The following PITPNC1 variants were observed in gnomAD, a reference collection of about 807,000 sequenced individuals.
PITPNC1 encodes phosphatidylinositol transfer protein cytoplasmic 1, also known as cytoplasmic phosphatidylinositol transfer protein 1.
PITPNC1 carries 18 observed loss-of-function variants against 44.7 expected under a neutral mutation model. The observed-to-expected ratio is 0.40, with a 90% CI of 0.28 to 0.60. PITPNC1 has a LOEUF of 0.60. Ranked by LOEUF, PITPNC1 falls within the 20% of genes least tolerant of loss-of-function variation. PITPNC1 has a pLI of 0.39. For missense variants in PITPNC1, 290 were observed against 418.4 expected, an observed-to-expected ratio of 0.69 and a Z score of 2.68; for synonymous variants, 141 against 149.6, an observed-to-expected ratio of 0.94 and a Z score of 0.42.
rs547594774 is a variant in PITPNC1, at chr17:67,681,516, G to A, written c.682+5974G>A. 5.3e-5 allele frequency among the ~76,000 whole-genome samples: 8 copies of A among 150,268 alleles called. No homozygotes were observed. In the South Asian group the frequency reaches 6.3e-4, roughly 12 times the overall value. On this transcript the variant is annotated intron_variant, in intron 8 of 8. Coordinates refer to ENST00000581322, the MANE Select transcript of PITPNC1 (RefSeq NM_012417.4). ...CCCAGCTGCTTGGGAGGCTGAGGTG[G>A]AAGGACCACTTGAGTCTGGGAGGTC...
At chr17:67,500,551 G>A in intron 1 of PITPNC1, among the ~76,000 whole-genome samples, 1 of 152,144 alleles carries the variant, frequency 6.6e-6, no homozygotes, top group East Asian at 1.9e-4. Flanking sequence ...TCTGAAATTA[G>A]ATAGTGGTAA....
At chr17:67,599,001 CATATATATAT>C (rs1172990089) in intron 5 of PITPNC1, among the ~76,000 whole-genome samples, 1,752 of 45,150 alleles carry the variant, frequency 0.039, 119 homozygotes, top group Middle Eastern at 0.058. Flanking sequence ...ATAAGAAATA[CATATATATAT>C]ATATATATAT....
chr17:67,549,905 T>C (rs2040736046), intron 2 of PITPNC1, among the ~76,000 whole-genome samples: 1 of 152,124 alleles, frequency 6.6e-6, no homozygotes, highest in Non-Finnish European at 1.5e-5. Flanking sequence ...GAAAATCACC[T>C]GCCTGCAACC....
At chr17:67,527,430 T>C (rs1598781263) in intron 1 of PITPNC1, among the ~76,000 whole-genome samples, 1 of 152,126 alleles carries the variant, frequency 6.6e-6, no homozygotes, top group African/African-American at 2.4e-5. Flanking sequence ...GGCGGCCGGG[T>C]GTAATGGCTC....
chr17:67,565,777 T>A (rs143687050), intron 4 of PITPNC1, among the ~76,000 whole-genome samples: 389 of 151,786 alleles, frequency 2.6e-3, no homozygotes, highest in African/African-American at 8.9e-3. Flanking sequence ...TAGTTTTCCA[T>A]GGTTTTCAGT....
At chr17:67,503,223 T>G (rs949840571) in intron 1 of PITPNC1, among the ~76,000 whole-genome samples, 6 of 70,942 alleles carry the variant, frequency 8.5e-5, no homozygotes, top group Admixed American at 2.9e-4. Context: ...GTCTACAGGT[T>G]GTACTGGGGG....
At chr17:67,647,360 G>A (rs1192674184) in intron 6 of PITPNC1, among the ~76,000 whole-genome samples, 5 of 150,922 alleles carry the variant, frequency 3.3e-5, no homozygotes, top group East Asian at 1.9e-4. Context: ...GCACCATCAC[G>A]ACCCACTGCT....
At chr17:67,578,503 C>G (rs2041181457) in intron 5 of PITPNC1, among the ~76,000 whole-genome samples, 1 of 152,148 alleles carries the variant, frequency 6.6e-6, no homozygotes, top group Non-Finnish European at 1.5e-5. Context: ...AGCCTCTGAC[C>G]TGGGGTGATT....
intron 1 of PITPNC1, among the ~76,000 whole-genome samples, chr17:67,430,321 C>T (rs1309029507): frequency 6.7e-6 from 1 of 150,128 alleles, no homozygotes; most frequent in East Asian, 2.0e-4. Context: ...GCCTGGCCAA[C>T]GTGGTGAATC....
chr17:67,657,104 G>T (rs775419134), intron 6 of PITPNC1, among the ~76,000 whole-genome samples: 1 of 152,124 alleles, frequency 6.6e-6, no homozygotes, highest in Non-Finnish European at 1.5e-5. Context: ...GCAGCAACTG[G>T]ACTATTTCAG....
At chr17:67,406,205 C>T (rs140789258) in intron 1 of PITPNC1, among the ~76,000 whole-genome samples, 2,779 of 152,066 alleles carry the variant, frequency 0.018, 44 homozygotes, top group Non-Finnish European at 0.026. Flanking sequence ...TTCACAGGCG[C>T]GATCATCACG....
At chr17:67,578,790 T>TG (rs1451996270) in intron 5 of PITPNC1, among the ~76,000 whole-genome samples, 1 of 152,210 alleles carries the variant, frequency 6.6e-6, no homozygotes, top group African/African-American at 2.4e-5. Context: ...AAGACCAGCC[T>TG]GGCCAACATG....
At chr17:67,488,889 C>T (rs1598734841) in intron 1 of PITPNC1, among the ~76,000 whole-genome samples, 1 of 152,222 alleles carries the variant, frequency 6.6e-6, no homozygotes. Flanking sequence ...GTAATATCCT[C>T]AAGGTGCATC....
rs532348898 is a variant in PITPNC1, at chr17:67,467,230, T to G, written c.49-65572T>G. On this transcript the variant is annotated intron_variant, in intron 1 of 8. Coordinates refer to ENST00000581322, the MANE Select transcript of PITPNC1 (RefSeq NM_012417.4). ...TTGGCTATTTTTTGTGTGTGTGTGT[T>G]TTTAGTAGAGATGGGGTTTCACCAT... 1.6e-4 allele frequency among the ~76,000 whole-genome samples: 25 copies of G among 151,886 alleles called. No individual in the cohort carries two copies. The East Asian group carries it at 4.3e-3, about 26-fold the overall frequency.
intron 1 of PITPNC1, among the ~76,000 whole-genome samples, chr17:67,475,064 T>C (rs1259626059): frequency 6.6e-6 from 1 of 152,206 alleles, no homozygotes; most frequent in East Asian, 1.9e-4. Flanking sequence ...GTTGACGCTA[T>C]GGATGAGGGA....
chr17:67,440,491 C>A (rs961957709), intron 1 of PITPNC1, among the ~76,000 whole-genome samples: 10 of 148,590 alleles, frequency 6.7e-5, no homozygotes, highest in African/African-American at 2.5e-4. Flanking sequence ...TTTTCTCTTG[C>A]AAGACTTTTT....
At chr17:67,425,878 A>T (rs2038757766) in intron 1 of PITPNC1, among the ~76,000 whole-genome samples, 2 of 152,122 alleles carry the variant, frequency 1.3e-5, no homozygotes, top group Non-Finnish European at 2.9e-5. Flanking sequence ...GCCTTTGCCG[A>T]TCATAAGGTC....
At chr17:67,393,906 G>A (rs1378317952) in intron 1 of PITPNC1, among the ~76,000 whole-genome samples, 2 of 152,098 alleles carry the variant, frequency 1.3e-5, no homozygotes, top group African/African-American at 4.8e-5. Context: ...TCAGTGTAAT[G>A]GCGTATGAAT....
intron 1 of PITPNC1, among the ~76,000 whole-genome samples, chr17:67,440,026 A>C (rs929052284): frequency 2.6e-5 from 4 of 152,222 alleles, no homozygotes; most frequent in South Asian, 2.1e-4. Flanking sequence ...TCTGTCTGAA[A>C]TGAGAACTGT....
Sources: allele counts gnomAD v4.1 joint callset (sites outside exome capture counted in the v4.1 genomes callset), GRCh38; gene constraint gnomAD v4.1.1; transcripts MANE v1.5; gene names NCBI Gene and HGNC (gene_info 2026-07-23, HGNC 2026-07-21).